Variants in GABBR2 observed in about 807,000 individuals in gnomAD.
GABBR2 encodes the protein gamma-aminobutyric acid type B receptor subunit 2.
In GABBR2, 23 loss-of-function variants were observed where a neutral mutation model predicts 105.6. The ratio of observed to expected loss-of-function variants is 0.22; its 90% CI spans 0.16 to 0.31. The LOEUF is 0.31. Among genes scored for constraint, GABBR2 ranks in the 10% least tolerant of loss-of-function variants. GABBR2 has a pLI of 1.00. For synonymous variants in GABBR2, 478 were observed against 499.7 expected (o/e 0.96, Z 0.58); for missense variants, 734 against 1,245.5 (o/e 0.59, Z 6.18).
At chr9:98,657,917 C>T (rs892205881) in intron 1 of GABBR2, among the ~76,000 whole-genome samples, 7 of 152,000 alleles carry the variant, frequency 4.6e-5, no homozygotes, top group Non-Finnish European at 7.3e-5. Context: ...GTAAGTTTCC[C>T]GAGGCCTTCC....
intron 1 of GABBR2, among the ~76,000 whole-genome samples, chr9:98,667,022 G>A (rs1452297461): frequency 6.6e-6 from 1 of 152,188 alleles, no homozygotes; most frequent in Non-Finnish European, 1.5e-5. Flanking sequence ...CAAGTAAATA[G>A]ACAGTGCAGC....
At chr9:98,689,994 C>A (rs994829147) in intron 1 of GABBR2, among the ~76,000 whole-genome samples, 2 of 152,204 alleles carry the variant, frequency 1.3e-5, no homozygotes, top group African/African-American at 4.8e-5. Context: ...ATCTACTGCC[C>A]TATTTCCTCC....
At chr9:98,304,904 C>A (rs1329944379) in intron 15 of GABBR2, among the ~76,000 whole-genome samples, 1 of 151,940 alleles carries the variant, frequency 6.6e-6, no homozygotes. Context: ...CCTGAGTAGC[C>A]AGGACTACAG....
chr9:98,334,289 A>G (rs1053411902), intron 13 of GABBR2, among the ~76,000 whole-genome samples: 2 of 152,276 alleles, frequency 1.3e-5, no homozygotes, highest in African/African-American at 4.8e-5. Flanking sequence ...TTTTGAAAGC[A>G]TCAATGAAGA....
At chr9:98,644,280 G>A (rs1830003410) in intron 1 of GABBR2, among the ~76,000 whole-genome samples, 1 of 152,202 alleles carries the variant, frequency 6.6e-6, no homozygotes, top group Admixed American at 6.5e-5. Flanking sequence ...AAGCAGATGT[G>A]GTGGATAATT....
chr9:98,422,963 A>G (rs1438070326), intron 7 of GABBR2, among the ~76,000 whole-genome samples: 6 of 152,156 alleles, frequency 3.9e-5, no homozygotes, highest in African/African-American at 1.4e-4. Context: ...AAGGCTGCAC[A>G]GTATTCCATG....
chr9:98,309,855 A>ATCTT (rs1830609193), intron 14 of GABBR2, among the ~76,000 whole-genome samples: 1 of 152,216 alleles, frequency 6.6e-6, no homozygotes, highest in African/African-American at 2.4e-5. Flanking sequence ...GTGGGGACCA[A>ATCTT]TCTTTGTCTA....
intron 1 of GABBR2, among the ~76,000 whole-genome samples, chr9:98,640,196 G>C (rs986450481): frequency 6.6e-6 from 1 of 151,040 alleles, no homozygotes; most frequent in Non-Finnish European, 1.5e-5. Context: ...CCCTTGATAA[G>C]GGCAGGGGCA....
intron 7 of GABBR2, among the ~76,000 whole-genome samples, chr9:98,449,715 G>A (rs1826199653): frequency 6.6e-6 from 1 of 152,138 alleles, no homozygotes; most frequent in Non-Finnish European, 1.5e-5. Flanking sequence ...AGAATGCTCT[G>A]GGCTTTTGAG....
At chr9:98,414,478 A>C (rs1394645487) in intron 7 of GABBR2, among the ~76,000 whole-genome samples, 1 of 152,252 alleles carries the variant, frequency 6.6e-6, no homozygotes, top group Non-Finnish European at 1.5e-5. Context: ...GAACCTTACC[A>C]GCTATGCCAA....
intron 1 of GABBR2, among the ~76,000 whole-genome samples, chr9:98,661,852 G>T (rs1270488606): frequency 6.6e-6 from 1 of 152,124 alleles, no homozygotes; most frequent in Non-Finnish European, 1.5e-5. Context: ...TCTAGGTTAG[G>T]CCCCGTCCCT....
At chr9:98,670,794 CAG>C (rs1564147130) in intron 1 of GABBR2, among the ~76,000 whole-genome samples, 1 of 152,066 alleles carries the variant, frequency 6.6e-6, no homozygotes, top group Non-Finnish European at 1.5e-5. Context: ...ATTGTAGAGA[CAG>C]AAAGTAGAAT....
chr9:98,497,912 T>C (rs1827316361), intron 3 of GABBR2, among the ~76,000 whole-genome samples: 1 of 152,230 alleles, frequency 6.6e-6, no homozygotes, highest in South Asian at 2.1e-4. Context: ...AGCAGGGACT[T>C]GACAGACATT....
At chr9:98,317,752 A>C (rs1378787680) in intron 13 of GABBR2, among the ~76,000 whole-genome samples, 1 of 152,204 alleles carries the variant, frequency 6.6e-6, no homozygotes, top group African/African-American at 2.4e-5. Context: ...TACAGGATGA[A>C]TGAGACCAAC....
At chr9:98,303,445 C>T (rs369087029) in intron 15 of GABBR2, 22 bp from the exon 16 acceptor site, 65 of 1,609,332 alleles carry the variant, frequency 4.0e-5, no homozygotes, top group South Asian at 6.6e-5. Flanking sequence ...AAGGTTGGGG[C>T]GGGGTTGAAG....
At chr9:98,533,121 C>T (rs975435567) in intron 3 of GABBR2, among the ~76,000 whole-genome samples, 1 of 152,156 alleles carries the variant, frequency 6.6e-6, no homozygotes, top group African/African-American at 2.4e-5. Flanking sequence ...CTGACTCTGC[C>T]AGAACTGCCT....
At chr9:98,683,731 C>T (rs1314570745) in intron 1 of GABBR2, among the ~76,000 whole-genome samples, 2 of 151,744 alleles carry the variant, frequency 1.3e-5, no homozygotes, top group African/African-American at 2.4e-5. Flanking sequence ...TAATCCAGGC[C>T]GGGTGCGGTG....
At chr9:98,561,605 G>A (rs1828674650) in intron 2 of GABBR2, among the ~76,000 whole-genome samples, 1 of 152,146 alleles carries the variant, frequency 6.6e-6, no homozygotes, top group South Asian at 2.1e-4. Context: ...AATGAGGTTG[G>A]GTGCAGTGGC....
intron 2 of GABBR2, among the ~76,000 whole-genome samples, chr9:98,561,499 GA>G (rs1828673384): frequency 1.3e-5 from 2 of 151,864 alleles, no homozygotes. Flanking sequence ...AAGAGAAACA[GA>G]AAGAAGCAGG....
Sources: allele counts gnomAD v4.1 joint callset (sites outside exome capture counted in the v4.1 genomes callset), GRCh38; gene constraint gnomAD v4.1.1; transcripts MANE v1.5; gene names NCBI Gene and HGNC (gene_info 2026-07-23, HGNC 2026-07-21).